Variants in KLF15 observed in about 807,000 individuals in gnomAD.
The protein encoded by KLF15 is Krueppel-like factor 15.
KLF15 carries 4 observed loss-of-function variants against 24.6 expected under a neutral mutation model. The ratio of observed to expected loss-of-function variants is 0.16; its 90% CI spans 0.08 to 0.37. KLF15 has a LOEUF of 0.37. Ranked by LOEUF, KLF15 falls within the 10% of genes least tolerant of loss-of-function variation. The probability of loss-of-function intolerance (pLI) is 1.00; values close to 1 mark genes in which losing one functional copy is unlikely to be tolerated. For synonymous variants in KLF15, 246 were observed against 236.3 expected (o/e 1.04, Z -0.37); for missense variants, 496 against 560.6 (o/e 0.88, Z 1.16).
At chr3:126,323,393 G>T in the KLF15 span, among the ~76,000 whole-genome samples, 4 of 72,110 alleles carry the variant, frequency 5.5e-5, no homozygotes, top group South Asian at 5.7e-4. Flanking sequence ...CTCTTACTTA[G>T]CCCCAGTAGT....
intron 2 of KLF15, 60 bp from the exon 3 acceptor site, chr3:126,343,955 C>T: frequency 1.4e-6 from 2 of 1,481,166 alleles, no homozygotes; most frequent in South Asian, 2.8e-5. Flanking sequence ...TGCCCCGACC[C>T]CACGAAGTTG....
chr3:126,319,107 T>C, the KLF15 span, among the ~76,000 whole-genome samples: 3 of 152,254 alleles, frequency 2.0e-5, no homozygotes, highest in African/African-American at 2.4e-5. Flanking sequence ...TTCTTCCATG[T>C]CTTTTTATGC....
At position 126,343,615 on chromosome 3, in the gene KLF15, G is replaced by T; in HGVS notation, c.*112C>A. 1 of 1,079,596 alleles carries T rather than the reference G, an allele frequency of 9.3e-7. No individual in the cohort carries two copies. The highest frequency in any genetic ancestry group is 1.3e-6 in the Non-Finnish European group (1 of 741,490). The allele number at this position is 1,079,596 out of a possible 1,614,324, so 66.9% of individuals were successfully genotyped here. A position where few individuals can be genotyped will look rare whatever the true frequency, so the allele number is the denominator to read the frequency against. Reference sequence around the variant, plus strand: ...TCACACCTCCCAGGCTTCAGAAGGTGGGCTGGTAACATTGCCATGTCCCTC... The same window carrying T: ...TCACACCTCCCAGGCTTCAGAAGGTTGGCTGGTAACATTGCCATGTCCCTC... On this transcript the variant is annotated 3_prime_UTR_variant, in exon 3 of 3. Transcript: ENST00000296233.
chr3:126,301,523 C>T, the KLF15 span, among the ~76,000 whole-genome samples: 51,684 of 151,674 alleles, frequency 0.34, 9,543 homozygotes, highest in Non-Finnish European at 0.42. Flanking sequence ...CACGCCGCCA[C>T]GCACACTCTC....
chr3:126,327,005 C>T, the KLF15 span, among the ~76,000 whole-genome samples: 1 of 152,154 alleles, frequency 6.6e-6, no homozygotes, highest in Admixed American at 6.5e-5. Context: ...GTACATTCAT[C>T]AAAACTAGGA....
Position 126,352,712 on chromosome 3 carries a change from C to T in KLF15, c.211G>A (p.Glu71Lys), listed in dbSNP as rs367830984. The change falls in exon 2 of 3, where the codon GAG (glutamate) becomes AAG (lysine). Residue 71 changes from glutamate to lysine, a missense_variant. By Grantham distance (56) the Glu-to-Lys change is moderately conservative. Transcript: ENST00000296233. ...CSCYGGGLGT[E>K]SQDSILDFLL... ...AAGTCCAAGATGCTGTCCTGGCTCT[C>T]GGTGCCCAGGCCTCCACCATAGCAG... The T allele has an allele frequency of 1.4e-5, 22 of 1,580,016 alleles. No homozygotes were observed. The highest frequency in any genetic ancestry group is 1.1e-4 in the African/African-American group (8 of 74,170).
chr3:126,310,914 C>G, the KLF15 span, among the ~76,000 whole-genome samples: 1 of 152,128 alleles, frequency 6.6e-6, no homozygotes, highest in Non-Finnish European at 1.5e-5. Context: ...TGGGCTAGTC[C>G]CTGAACCATC....
chr3:126,340,278 T>C (rs1560034265), downstream of KLF15, among the ~76,000 whole-genome samples: 1 of 152,226 alleles, frequency 6.6e-6, no homozygotes, highest in Non-Finnish European at 1.5e-5. Flanking sequence ...TGGATGAGGC[T>C]GAGTTACTGA....
At chr3:126,353,757 G>T (rs897998556) in intron 1 of KLF15, among the ~76,000 whole-genome samples, 2 of 152,192 alleles carry the variant, frequency 1.3e-5, no homozygotes, top group Admixed American at 6.5e-5. Flanking sequence ...AGTGGCACAG[G>T]CTTGAACGCA....
At chr3:126,306,665 C>T in the KLF15 span, among the ~76,000 whole-genome samples, 1 of 152,258 alleles carries the variant, frequency 6.6e-6, no homozygotes, top group Admixed American at 6.5e-5. Context: ...TGCACAAACA[C>T]ATGTTCATGT....
chr3:126,317,941 G>A, the KLF15 span, among the ~76,000 whole-genome samples: 8 of 152,268 alleles, frequency 5.3e-5, no homozygotes, highest in East Asian at 3.9e-4. Flanking sequence ...ACTAACATAC[G>A]TTGGTGACTC....
intron 2 of KLF15, among the ~76,000 whole-genome samples, chr3:126,346,833 G>T (rs899066044): frequency 2.0e-4 from 30 of 152,334 alleles, no homozygotes; most frequent in African/African-American, 7.2e-4. Context: ...CTTGTAGGCA[G>T]TAAGCTCTGC....
chr3:126,318,051 G>A, the KLF15 span, among the ~76,000 whole-genome samples: 1 of 152,058 alleles, frequency 6.6e-6, no homozygotes, highest in African/African-American at 2.4e-5. Context: ...ACACCAACCT[G>A]GACCCATGGG....
At chr3:126,344,571 G>A (rs2082516764) in intron 2 of KLF15, among the ~76,000 whole-genome samples, 1 of 152,176 alleles carries the variant, frequency 6.6e-6, no homozygotes, top group East Asian at 1.9e-4. Context: ...CTCAGGCCCT[G>A]ATGCTGGCTG....
chr3:126,353,155 A>G (rs1397408207), intron 1 of KLF15, among the ~76,000 whole-genome samples: 1 of 152,218 alleles, frequency 6.6e-6, no homozygotes, highest in Admixed American at 6.5e-5. Flanking sequence ...CTCCAAGCCC[A>G]TTGCATAACC....
chr3:126,335,906 T>G, the KLF15 span, among the ~76,000 whole-genome samples: 2 of 143,980 alleles, frequency 1.4e-5, no homozygotes, highest in African/African-American at 5.2e-5. Flanking sequence ...TACAAACCAC[T>G]GCTCAAGGAA....
chr3:126,313,348 A>G, the KLF15 span, among the ~76,000 whole-genome samples: 1 of 152,174 alleles, frequency 6.6e-6, no homozygotes, highest in African/African-American at 2.4e-5. Flanking sequence ...AGCCACTCAT[A>G]TGGGGCATTC....
chr3:126,288,719 A>T, the KLF15 span: 1 of 152,270 alleles, frequency 6.6e-6, no homozygotes, highest in Non-Finnish European at 1.5e-5. Flanking sequence ...TCAGGGCTGG[A>T]CGCCTCCAGC....
chr3:126,296,428 T>A, the KLF15 span, among the ~76,000 whole-genome samples: 1 of 152,226 alleles, frequency 6.6e-6, no homozygotes. Context: ...AGGATGGTCT[T>A]TATCTCCTGA....
Sources: allele counts gnomAD v4.1 joint callset (sites outside exome capture counted in the v4.1 genomes callset), GRCh38; gene constraint gnomAD v4.1.1; transcripts MANE v1.5; gene names NCBI Gene and HGNC (gene_info 2026-07-23, HGNC 2026-07-21).